PLEKHA6: variants seen among roughly 807,000 people sequenced by gnomAD.
PLEKHA6 encodes the protein pleckstrin homology domain-containing family A member 6.
In PLEKHA6, 60 loss-of-function variants were observed where a neutral mutation model predicts 116.7. The observed-to-expected ratio is 0.51, with a 90% CI of 0.42 to 0.64. The LOEUF is 0.64. Among genes scored for constraint, PLEKHA6 ranks in the 30% least tolerant of loss-of-function variants. PLEKHA6 has a pLI of 0.00. For missense variants in PLEKHA6, 1,338 were observed against 1,422.7 expected (o/e 0.94, Z 0.96); for synonymous variants, 489 against 556.1 (o/e 0.88, Z 1.70).
intron 1 of PLEKHA6, among the ~76,000 whole-genome samples, chr1:204,290,988 C>A (rs1490462531): frequency 0.015 from 1,723 of 112,750 alleles, no homozygotes; most frequent in Non-Finnish European, 0.016. Context: ...GACCCTGTCT[C>A]AAAAAAAAAA....
chr1:204,315,486 C>G (rs1197055701), intron 1 of PLEKHA6, among the ~76,000 whole-genome samples: 2 of 152,208 alleles, frequency 1.3e-5, no homozygotes, highest in Non-Finnish European at 2.9e-5. Flanking sequence ...CCCCCAGATG[C>G]CTGTTAAATC....
chr1:204,274,767 G>A lies in PLEKHA6; in HGVS notation c.-52C>T. ...ATTTTTTGTTTTCCTCTGGGACCTG[G>A]CCAGTCACTGGGTGTAGAAATGTGT... On this transcript the variant is annotated 5_prime_UTR_variant, in exon 2 of 23. Coordinates refer to ENST00000272203, the MANE Select transcript of PLEKHA6 (RefSeq NM_014935.5). The A allele has an allele frequency of 2.0e-6, 2 of 985,880 alleles. No individual in the cohort carries two copies. Among genetic ancestry groups the A allele is most frequent in the Non-Finnish European group, 2.4e-6 (2 of 829,950 alleles). 61.1% of individuals were successfully genotyped at this position (985,880 alleles called of 1,614,324 possible).
chr1:204,284,580 C>T (rs1194821715), intron 1 of PLEKHA6, among the ~76,000 whole-genome samples: 1 of 152,168 alleles, frequency 6.6e-6, no homozygotes, highest in Non-Finnish European at 1.5e-5. Context: ...CAGAAAATGA[C>T]TGTGCCTAGG....
At chr1:204,367,050 G>C (rs1673676290) in intron 3 of PLEKHA6, among the ~76,000 whole-genome samples, 2 of 152,238 alleles carry the variant, frequency 1.3e-5, no homozygotes, top group Admixed American at 6.5e-5. Context: ...AGGCCCACAG[G>C]CCTGGGCACG....
intron 9 of PLEKHA6, chr1:204,256,842 G>T: frequency 1.5e-6 from 1 of 667,550 alleles, no homozygotes; most frequent in Non-Finnish European, 2.7e-6. Flanking sequence ...GTAGTTGTAG[G>T]GGAACAGTCC....
chr1:204,311,688 C>A (rs1671664187), intron 1 of PLEKHA6: 13 of 968,634 alleles, frequency 1.3e-5, no homozygotes, highest in Non-Finnish European at 1.6e-5. Context: ...CTGAAAGTAC[C>A]TTTGCTCAAA....
intron 1 of PLEKHA6, among the ~76,000 whole-genome samples, chr1:204,283,888 C>G (rs1262626317): frequency 6.6e-6 from 1 of 152,202 alleles, no homozygotes; most frequent in Non-Finnish European, 1.5e-5. Context: ...ACAGCCTGGC[C>G]TTTATTGCTG....
At chr1:204,312,490 T>A (rs143749911) in intron 1 of PLEKHA6, among the ~76,000 whole-genome samples, 256 of 152,318 alleles carry the variant, frequency 1.7e-3, no homozygotes, top group Non-Finnish European at 3.3e-3. Flanking sequence ...TGCCCTTGCT[T>A]GGGTCTGGCT....
intron 1 of PLEKHA6, among the ~76,000 whole-genome samples, chr1:204,358,844 C>A (rs570577077): frequency 1.3e-5 from 2 of 151,998 alleles, no homozygotes; most frequent in African/African-American, 2.4e-5. Context: ...CCCTGGCTGG[C>A]CTGTTGTCTC....
chr1:204,246,173 T>C (rs959701185), intron 13 of PLEKHA6, among the ~76,000 whole-genome samples: 1 of 152,184 alleles, frequency 6.6e-6, no homozygotes, highest in Admixed American at 6.5e-5. Context: ...TCAATTACAG[T>C]TGACAGTCTA....
At chr1:204,334,365 T>G (rs1310078528) in intron 1 of PLEKHA6, among the ~76,000 whole-genome samples, 19 of 152,202 alleles carry the variant, frequency 1.2e-4, no homozygotes, top group Admixed American at 1.1e-3. Context: ...TCCACACAAC[T>G]TTCCTAATTA....
chr1:204,361,229 A>C (rs929246677), upstream of PLEKHA6, among the ~76,000 whole-genome samples: 1 of 152,218 alleles, frequency 6.6e-6, no homozygotes, highest in African/African-American at 2.4e-5. Flanking sequence ...CAACTTGATC[A>C]AAAAATTAAG....
chr1:204,219,241 G>A lies in PLEKHA6; in HGVS notation c.*3547C>T, dbSNP rs559367012. The A allele has an allele frequency of 4.9e-3, 699 of 143,504 alleles. 1 individual carries two copies. The highest frequency in any genetic ancestry group is 0.022 in the East Asian group (108 of 5,018). 8.9% of individuals were successfully genotyped at this position (143,504 alleles called of 1,614,324 possible). Reference sequence around the variant, plus strand: ...TATACGTGTGTGTGTGTGTGTGTGTGTATATATATATATATATATAATGTG... The same window carrying A: ...TATACGTGTGTGTGTGTGTGTGTGTATATATATATATATATATATAATGTG... On this transcript the variant is annotated 3_prime_UTR_variant, in exon 23 of 23. Transcript: ENST00000272203.
At chr1:204,338,567 A>G (rs180731883) in intron 1 of PLEKHA6, among the ~76,000 whole-genome samples, 2 of 152,362 alleles carry the variant, frequency 1.3e-5, no homozygotes, top group African/African-American at 4.8e-5. Context: ...ATTAACAAGA[A>G]GAACATGACA....
At chr1:204,289,334 T>C (rs1669512971) in intron 1 of PLEKHA6, among the ~76,000 whole-genome samples, 1 of 152,196 alleles carries the variant, frequency 6.6e-6, no homozygotes, top group South Asian at 2.1e-4. Context: ...CCACAATTAA[T>C]AGCCCCTTCT....
chr1:204,249,238 C>A lies in PLEKHA6; in HGVS notation c.1620G>T (p.Gln540His). 1 of 1,613,848 alleles carries A rather than the reference C, an allele frequency of 6.2e-7. No homozygotes were observed. The highest frequency in any genetic ancestry group is 8.5e-7 in the Non-Finnish European group (1 of 1,179,676). ...TDKLLGKLCE[Q>H]NKVVREQDRL... Reference sequence around the variant, plus strand: ...GGTCCTGCTCCCTCACCACCTTGTTCTGCTCACACAATTTTCCCAGCAGCT... The same window carrying A: ...GGTCCTGCTCCCTCACCACCTTGTTATGCTCACACAATTTTCCCAGCAGCT... The change falls in exon 11 of 23, where the codon CAG becomes CAT. Residue 540 changes from glutamine to histidine, a missense_variant. By Grantham distance (24) the Gln-to-His change is conservative. Coordinates refer to ENST00000272203, the MANE Select transcript of PLEKHA6 (RefSeq NM_014935.5).
chr1:204,337,841 G>A (rs1486618571), intron 1 of PLEKHA6, among the ~76,000 whole-genome samples: 2 of 152,228 alleles, frequency 1.3e-5, no homozygotes, highest in African/African-American at 4.8e-5. Context: ...AAGATGAGGA[G>A]GGCAAACCCG....
At chr1:204,235,750 T>C (rs910573746) in intron 17 of PLEKHA6, among the ~76,000 whole-genome samples, 2 of 152,106 alleles carry the variant, frequency 1.3e-5, no homozygotes, top group Non-Finnish European at 2.9e-5. Context: ...GTTTGTAAAC[T>C]CTTATGAACC....
rs556455304 is a variant in PLEKHA6, at chr1:204,374,489, C to A, written c.84-2883G>T. 1.5e-3 allele frequency among the ~76,000 whole-genome samples: 226 copies of A among 152,260 alleles called. 2 individuals are homozygous for A. The highest frequency in any genetic ancestry group is 2.3e-3 in the Non-Finnish European group (155 of 68,018). On this transcript the variant is annotated intron_variant, in intron 1 of 4. Coordinates refer to the PLEKHA6 transcript ENST00000564627. Reference sequence around the variant, plus strand: ...TTCCCAGTATGCCCAATCACCTCACCACCAAAACTTACCCAGATTCTCACC... The same window carrying A: ...TTCCCAGTATGCCCAATCACCTCACAACCAAAACTTACCCAGATTCTCACC...
Sources: gnomAD v4.1 joint callset for allele counts (sites outside exome capture counted in the v4.1 genomes callset) on GRCh38, gnomAD v4.1.1 for gene constraint, MANE v1.5 for transcripts, NCBI Gene and HGNC (gene_info 2026-07-23, HGNC 2026-07-21) for gene names.